Variants in MYH6 observed in about 807,000 individuals in gnomAD.
MYH6 encodes the protein myosin heavy chain 6.
In MYH6, 126 loss-of-function variants were observed where a neutral mutation model predicts 223.2. The ratio of observed to expected loss-of-function variants is 0.56; its 90% CI spans 0.49 to 0.65. MYH6 has a LOEUF of 0.65. Among genes scored for constraint, MYH6 ranks in the 30% least tolerant of loss-of-function variants. The pLI is 0.00. For missense variants in MYH6, 2,040 were observed against 2,536.4 expected, an observed-to-expected ratio of 0.80 and a Z score of 4.20; for synonymous variants, 978 against 1,010.2, an observed-to-expected ratio of 0.97 and a Z score of 0.61.
chr14:23,399,619 C>G (rs552117915), intron 14 of MYH6: 19 of 186,502 alleles, frequency 1.0e-4, no homozygotes, highest in African/African-American at 4.2e-4. Flanking sequence ...TGTACACATG[C>G]TTTTTTCCAC....
Position 23,393,326 on chromosome 14 carries a change from G to C in MYH6, c.3105+16C>G. On this transcript the variant is annotated intron_variant, in intron 23 of 38. Transcript: ENST00000405093. ...AATCTTGCTCTGAGAGCAGGAGCAT[G>C]GTTCTTACTACTCACATCATCCACC... 1 of 1,614,102 alleles carries C rather than the reference G, an allele frequency of 6.2e-7. No homozygotes were observed. The highest frequency in any genetic ancestry group is 2.2e-5 in the East Asian group (1 of 44,884).
intron 13 of MYH6, 83 bp downstream of exon 13, chr14:23,400,626 C>T: frequency 2.5e-6 from 4 of 1,608,528 alleles, no homozygotes; most frequent in Non-Finnish European, 3.4e-6. Context: ...CATGTCTGGT[C>T]CACAGCTGGC....
chr14:23,406,973 T>A lies in MYH6; in HGVS notation c.201+50A>T, dbSNP rs1178690529. 1.9e-6 allele frequency: 3 copies of A among 1,598,138 alleles called. No individual in the cohort carries two copies. In the Admixed American group the frequency reaches 5.0e-5, roughly 27 times the overall value. On this transcript the variant is annotated intron_variant, in intron 3 of 38. Coordinates refer to ENST00000405093, the MANE Select transcript of MYH6 (RefSeq NM_002471.4). ...CTGCAAGTGGCTCCACCTCTGCATC[T>A]TCTTTCCCAGACCTCCTTCCCTTCT...
intron 8 of MYH6, 54 bp from the exon 9 acceptor site, chr14:23,403,832 C>A (rs1310673929): frequency 1.4e-6 from 2 of 1,479,914 alleles, no homozygotes; most frequent in Non-Finnish European, 1.9e-6. Flanking sequence ...AGAGTGAAAT[C>A]CTGGCCCTCT....
intron 12 of MYH6, 76 bp downstream of exon 12, chr14:23,402,388 C>G: frequency 3.7e-6 from 6 of 1,600,474 alleles, no homozygotes; most frequent in Non-Finnish European, 5.1e-6. Flanking sequence ...GCCTCAGAGT[C>G]TCTGGGATCT....
At position 23,397,525 on chromosome 14, in the gene MYH6, C is replaced by A; in HGVS notation, c.1962+18G>T. 3.1e-6 allele frequency: 5 copies of A among 1,613,806 alleles called. No homozygotes were observed. Among genetic ancestry groups the A allele is most frequent in the Non-Finnish European group, 4.2e-6 (5 of 1,179,744 alleles). On this transcript the variant is annotated intron_variant, in intron 16 of 38. Transcript: ENST00000405093. ...GGCCATTCCACCAGGTGTCCTGGCACCCCTGGGCCCTTCTTACCCGGTGGA... is the reference window on the plus strand; with the variant it reads ...GGCCATTCCACCAGGTGTCCTGGCAACCCTGGGCCCTTCTTACCCGGTGGA...
intron 8 of MYH6, 71 bp from the exon 9 acceptor site, chr14:23,403,849 C>G: frequency 7.5e-7 from 1 of 1,338,578 alleles, no homozygotes; most frequent in South Asian, 1.2e-5. Context: ...CTCTGTTCAG[C>G]CCAGAAGCCC....
rs756105822 is a variant in MYH6, at chr14:23,396,681, G to C, written c.2292+13C>G. On this transcript the variant is annotated intron_variant, in intron 19 of 38. Coordinates refer to ENST00000405093, the MANE Select transcript of MYH6 (RefSeq NM_002471.4). The stretch of plus-strand genomic sequence containing the variant: ...ACCTGCCCTGCAACCACCCAGTGGG[G>C]CTCTAGACTCACCTTGGTGTGGCCA... The C allele has an allele frequency of 4.3e-6, 7 of 1,614,032 alleles. No individual in the cohort carries two copies. In the Admixed American group the frequency reaches 1.2e-4, roughly 27 times the overall value.
Position 23,405,642 on chromosome 14 carries a change from C to T in MYH6, c.330G>A (p.Ala110=), listed in dbSNP as rs77679218. The T allele has an allele frequency of 5.6e-3, 9,098 of 1,614,156 alleles. 37 individuals carry two copies. Among genetic ancestry groups the T allele is most frequent in the Non-Finnish European group, 6.7e-3 (7,922 of 1,180,014 alleles). The stretch of plus-strand genomic sequence containing the variant: ...AGCCACTCACATATATCATCCAGGC[C>T]GCGTAGCGCTCCTTGAGGTTGAAAA... The part of the protein sequence containing the change: ...AVLFNLKERY[A]AWMIYTYSGL... Residue 110 remains alanine, a synonymous_variant, in exon 4 of 39, where the codon GCG becomes GCA. Coordinates refer to ENST00000405093, the MANE Select transcript of MYH6 (RefSeq NM_002471.4). This position sits in a 1 kb window ranked among gnomAD's most constrained non-coding sequence, Gnocchi z 4.7.
In MYH6 at chr14:23,405,728, G is replaced by T. The variant is rs754260713; in HGVS notation, c.244C>A (p.Pro82Thr). 5 of 1,614,026 alleles carry T rather than the reference G, an allele frequency of 3.1e-6. No homozygotes were observed. The highest frequency in any genetic ancestry group is 4.2e-6 in the Non-Finnish European group (5 of 1,180,032). Residue 82 changes from proline (P) to threonine (T), a missense_variant, in exon 4 of 39, where the codon CCC (proline) becomes ACC (threonine). Around this residue, in one of 4 missense-constraint regions of MYH6, gnomAD observed 184 missense variants for 232.4 expected, o/e 0.79. Coordinates refer to ENST00000405093, the MANE Select transcript of MYH6 (RefSeq NM_002471.4). The surrounding 1 kb of genome is among the most constrained non-coding windows in gnomAD (Gnocchi z 4.7). ...KEDQVLQQNP[P>T]KFDKIEDMAM... Reference sequence around the variant, plus strand: ...ATGTCCTCAATCTTGTCGAACTTGGGTGGGTTCTGCTGCAACACCTGGTCC... The same window carrying T: ...ATGTCCTCAATCTTGTCGAACTTGGTTGGGTTCTGCTGCAACACCTGGTCC...
chr14:23,394,009 A>G (rs201497468), intron 21 of MYH6, 59 bp downstream of exon 21: 24 of 1,613,618 alleles, frequency 1.5e-5, no homozygotes, highest in Non-Finnish European at 1.8e-5. Context: ...TGGTTGTGAG[A>G]TGGGCTATAA....
At chr14:23,396,477 G>A (rs1479754983) in intron 19 of MYH6, 57 bp from the exon 20 acceptor site, 7 of 1,601,038 alleles carry the variant, frequency 4.4e-6, no homozygotes, top group Non-Finnish European at 6.0e-6. Context: ...TATCCAGGGT[G>A]GAAGACCCTG....
chr14:23,405,245 G>T lies in MYH6; in HGVS notation c.480C>A (p.Asn160Lys). Residue 160 changes from asparagine (N) to lysine (K), a missense_variant, in exon 5 of 39, where the codon AAC becomes AAA. Around this residue, in one of 4 missense-constraint regions of MYH6, gnomAD observed 184 missense variants for 232.4 expected, o/e 0.79. Coordinates refer to ENST00000405093, the MANE Select transcript of MYH6 (RefSeq NM_002471.4). The surrounding 1 kb of genome is among the most constrained non-coding windows in gnomAD (Gnocchi z 4.7). Reference protein sequence around the residue: ...APPHIFSISDNAYQYMLTDRE... With the variant: ...APPHIFSISDKAYQYMLTDRE... Reference sequence around the variant, plus strand: ...CACCTGTCAGCATGTACTGATAGGCGTTGTCGGAGATGGAGAAGATGTGGG... The same window carrying T: ...CACCTGTCAGCATGTACTGATAGGCTTTGTCGGAGATGGAGAAGATGTGGG... The T allele has an allele frequency of 6.8e-6, 11 of 1,614,168 alleles. No individual in the cohort carries two copies. Among genetic ancestry groups the T allele is most frequent in the Non-Finnish European group, 8.5e-6 (10 of 1,180,054 alleles).
chr14:23,406,955 T>A (rs1891806703), intron 3 of MYH6, 68 bp downstream of exon 3: 1 of 1,537,340 alleles, frequency 6.5e-7, no homozygotes. Flanking sequence ...CCCCTGCAAG[T>A]GGCTCCACCT....
intron 25 of MYH6, among the ~76,000 whole-genome samples, chr14:23,390,968 T>G (rs1891221971): frequency 6.6e-6 from 1 of 152,228 alleles, no homozygotes; most frequent in Non-Finnish European, 1.5e-5. Flanking sequence ...TATTCCTTGC[T>G]CTCCCAGGCT....
At chr14:23,399,614 A>G (rs967224987) in intron 14 of MYH6, 3 of 188,914 alleles carry the variant, frequency 1.6e-5, no homozygotes, top group African/African-American at 7.1e-5. Flanking sequence ...ATGAATGTAC[A>G]CATGCTTTTT....
intron 32 of MYH6, among the ~76,000 whole-genome samples, chr14:23,387,263 C>T (rs1891058452): frequency 6.6e-6 from 1 of 152,162 alleles, no homozygotes; most frequent in Admixed American, 6.5e-5. Context: ...TACCCACTGT[C>T]TAAGTGGTTA....
Position 23,395,566 on chromosome 14 carries a change from G to A in MYH6, c.2429+718C>T, listed in dbSNP as rs201505754. Reference sequence around the variant, plus strand: ...TTTTGAGATGGAGTCTCGCTCTGTCGCCCAGGCTAGAGTGCAGTGGCTCGA... The same window carrying A: ...TTTTGAGATGGAGTCTCGCTCTGTCACCCAGGCTAGAGTGCAGTGGCTCGA... On this transcript the variant is annotated intron_variant, in intron 20 of 38. Coordinates refer to ENST00000405093, the MANE Select transcript of MYH6 (RefSeq NM_002471.4). Among the ~76,000 whole-genome samples the A allele has an allele frequency of 1.1e-4, 16 of 151,450 alleles. No homozygotes were observed. In the East Asian group the frequency reaches 2.7e-3, roughly 26 times the overall value.
At position 23,405,371 on chromosome 14, in the gene MYH6, C is replaced by T. The variant is rs373427673; in HGVS notation, c.354G>A (p.Ser118=). 2.8e-5 allele frequency: 45 copies of T among 1,613,954 alleles called. No individual in the cohort carries two copies. Among genetic ancestry groups the T allele is most frequent in the Admixed American group, 3.3e-5 (2 of 60,000 alleles). Reference sequence around the variant, plus strand: ...GGTTGACAGTGACACAGAAGAGGCCCGAGTAGGTCTGGAGCAGGAGACAAG... The same window carrying T: ...GGTTGACAGTGACACAGAAGAGGCCTGAGTAGGTCTGGAGCAGGAGACAAG... The part of the protein sequence containing the change: ...RYAAWMIYTY[S]GLFCVTVNPY... The change falls in exon 5 of 39, where the codon TCG becomes TCA. Residue 118 remains serine (S), a synonymous_variant. Coordinates refer to ENST00000405093, the MANE Select transcript of MYH6 (RefSeq NM_002471.4). This position sits in a 1 kb window ranked among gnomAD's most constrained non-coding sequence, Gnocchi z 4.7.
Sources: gnomAD v4.1 joint callset for allele counts (sites outside exome capture counted in the v4.1 genomes callset) on GRCh38, gnomAD v4.1.1 for gene constraint, gnomAD v4.1.1 regional missense constraint, Gnocchi (gnomAD v3.1) non-coding constraint, MANE v1.5 for transcripts, NCBI Gene and HGNC (gene_info 2026-07-23, HGNC 2026-07-21) for gene names.